Variants in NKAIN2 observed in about 807,000 individuals in gnomAD.
NKAIN2 encodes the protein sodium/potassium transporting ATPase interacting 2.
In NKAIN2, 14 loss-of-function variants were observed where a neutral mutation model predicts 32.6. The ratio of observed to expected loss-of-function variants is 0.43; its 90% CI spans 0.28 to 0.67. NKAIN2 has a LOEUF of 0.67. Ranked by LOEUF, NKAIN2 falls within the 30% of genes least tolerant of loss-of-function variation. The probability of loss-of-function intolerance (pLI) is 0.17; values close to 1 mark genes in which losing one functional copy is unlikely to be tolerated. For missense variants in NKAIN2, 198 were observed against 258.3 expected (o/e 0.77, Z 1.60); for synonymous variants, 80 against 87.2 (o/e 0.92, Z 0.46).
chr6:124,619,756 A>C (rs1433315891), intron 3 of NKAIN2, among the ~76,000 whole-genome samples: 2 of 152,212 alleles, frequency 1.3e-5, no homozygotes, highest in Non-Finnish European at 1.5e-5. Flanking sequence ...CATTACAAAA[A>C]TATGTAATGA....
intron 3 of NKAIN2, among the ~76,000 whole-genome samples, chr6:124,413,830 T>C (rs1177295332): frequency 6.6e-6 from 1 of 152,178 alleles, no homozygotes; most frequent in Non-Finnish European, 1.5e-5. Context: ...CCATATATGA[T>C]TGTGTATTGC....
intron 1 of NKAIN2, among the ~76,000 whole-genome samples, chr6:124,035,187 A>T (rs2114796245): frequency 6.6e-6 from 1 of 152,240 alleles, no homozygotes; most frequent in South Asian, 2.1e-4. Flanking sequence ...AGGCTATAAA[A>T]TGCTTGTTCA....
chr6:124,673,262 T>C (rs2114480461), intron 4 of NKAIN2, among the ~76,000 whole-genome samples: 1 of 152,234 alleles, frequency 6.6e-6, no homozygotes. Flanking sequence ...GATATGTATA[T>C]ACCACATTTT....
intron 5 of NKAIN2, among the ~76,000 whole-genome samples, chr6:124,796,031 G>T (rs1779982148): frequency 6.6e-6 from 1 of 152,118 alleles, no homozygotes; most frequent in Admixed American, 6.5e-5. Flanking sequence ...GCCACAGTTT[G>T]GCAGGCCAGC....
chr6:124,198,037 G>A (rs1427839196), intron 1 of NKAIN2, among the ~76,000 whole-genome samples: 1 of 151,778 alleles, frequency 6.6e-6, no homozygotes, highest in Admixed American at 6.6e-5. Flanking sequence ...GAAATTAACT[G>A]GGTTTGGGAT....
intron 3 of NKAIN2, among the ~76,000 whole-genome samples, chr6:124,461,251 A>G (rs1583287150): frequency 6.6e-6 from 1 of 151,890 alleles, no homozygotes; most frequent in Non-Finnish European, 1.5e-5. Flanking sequence ...ACAAAATTAC[A>G]GGGCACATTA....
intron 4 of NKAIN2, among the ~76,000 whole-genome samples, chr6:124,676,516 A>G (rs1022773680): frequency 1.3e-5 from 2 of 152,184 alleles, no homozygotes; most frequent in African/African-American, 4.8e-5. Flanking sequence ...TGTTGGATGC[A>G]TAAATATCTA....
chr6:124,210,983 TAAG>T (rs1368565879), intron 1 of NKAIN2, among the ~76,000 whole-genome samples: 92 of 150,788 alleles, frequency 6.1e-4, no homozygotes, highest in African/African-American at 2.1e-3. Context: ...CTATGTCAAA[TAAG>T]TGTTGAAAGT....
chr6:124,345,601 G>T (rs1245352161), intron 2 of NKAIN2, among the ~76,000 whole-genome samples: 3 of 151,794 alleles, frequency 2.0e-5, no homozygotes. Context: ...ATTTCTTCTA[G>T]ATTTTCTAGT....
At chr6:124,752,327 C>T (rs1777758838) in intron 4 of NKAIN2, among the ~76,000 whole-genome samples, 1 of 151,878 alleles carries the variant, frequency 6.6e-6, no homozygotes, top group African/African-American at 2.4e-5. Context: ...CACATTTATC[C>T]AAAGCTCTTG....
At chr6:124,584,094 TTGAG>T (rs1781620838) in intron 3 of NKAIN2, among the ~76,000 whole-genome samples, 1 of 152,134 alleles carries the variant, frequency 6.6e-6, no homozygotes, top group Admixed American at 6.5e-5. Context: ...CAAAGATTTC[TTGAG>T]TAATACTGCA....
At chr6:123,887,076 G>A (rs560287269) in intron 1 of NKAIN2, among the ~76,000 whole-genome samples, 6 of 152,240 alleles carry the variant, frequency 3.9e-5, no homozygotes, top group African/African-American at 1.2e-4. Flanking sequence ...GAACAACAAA[G>A]TTAATTAGAC....
At chr6:124,578,271 C>T (rs1032695469) in intron 3 of NKAIN2, among the ~76,000 whole-genome samples, 3 of 152,026 alleles carry the variant, frequency 2.0e-5, no homozygotes, top group African/African-American at 7.2e-5. Context: ...CTTGGGGTCC[C>T]TGATTCTAGG....
intron 3 of NKAIN2, among the ~76,000 whole-genome samples, chr6:124,613,444 T>C (rs1369772331): frequency 6.6e-6 from 1 of 152,194 alleles, no homozygotes; most frequent in Non-Finnish European, 1.5e-5. Flanking sequence ...AGAATCAATA[T>C]GGGTTTCTGA....
At chr6:123,925,170 T>A (rs932194890) in intron 1 of NKAIN2, among the ~76,000 whole-genome samples, 4 of 152,154 alleles carry the variant, frequency 2.6e-5, no homozygotes, top group Non-Finnish European at 5.9e-5. Flanking sequence ...TCTTCATAAG[T>A]ATAGTGTATA....
chr6:123,951,563 G>A (rs73555223), intron 1 of NKAIN2, among the ~76,000 whole-genome samples: 4,462 of 151,876 alleles, frequency 0.029, 208 homozygotes, highest in African/African-American at 0.1. Flanking sequence ...TTTATGTAAT[G>A]TAAGTATAGT....
At chr6:124,545,502 C>G (rs1299890313) in intron 3 of NKAIN2, among the ~76,000 whole-genome samples, 2 of 152,028 alleles carry the variant, frequency 1.3e-5, no homozygotes, top group Non-Finnish European at 2.9e-5. Context: ...ATGACTATGA[C>G]AATTTACAGC....
chr6:124,581,241 C>G (rs1158731189), intron 3 of NKAIN2, among the ~76,000 whole-genome samples: 6 of 151,784 alleles, frequency 4.0e-5, no homozygotes, highest in African/African-American at 1.5e-4. Context: ...AGATCGAGAC[C>G]ATCCTGGCTA....
intron 4 of NKAIN2, among the ~76,000 whole-genome samples, chr6:124,726,252 G>T (rs1411303610): frequency 9.2e-6 from 1 of 109,160 alleles, no homozygotes; most frequent in African/African-American, 3.5e-5. Context: ...ACCTCTGGGG[G>T]CAGGGCACAG....
Sources: allele counts gnomAD v4.1 joint callset (sites outside exome capture counted in the v4.1 genomes callset), GRCh38; gene constraint gnomAD v4.1.1; transcripts MANE v1.5; gene names NCBI Gene and HGNC (gene_info 2026-07-23, HGNC 2026-07-21).